Variants in CAP2 observed in about 807,000 individuals in gnomAD.
The protein encoded by CAP2 is adenylyl cyclase-associated protein 2.
Under a neutral mutation model 57.7 loss-of-function variants are expected in CAP2, and 24 were observed. The ratio of observed to expected loss-of-function variants is 0.42; its 90% CI spans 0.30 to 0.58. The LOEUF is 0.58. Ranked by LOEUF, CAP2 falls within the 20% of genes least tolerant of loss-of-function variation. The pLI is 0.22. For synonymous variants in CAP2, 194 were observed against 207.2 expected, an observed-to-expected ratio of 0.94 and a Z score of 0.55; for missense variants, 501 against 590.3, an observed-to-expected ratio of 0.85 and a Z score of 1.57.
intron 11 of CAP2, among the ~76,000 whole-genome samples, chr6:17,546,230 C>T (rs181450976): frequency 1.3e-4 from 20 of 152,272 alleles, no homozygotes; most frequent in African/African-American, 4.6e-4. Context: ...TTAATGACCG[C>T]CATGCTAACT....
intron 1 of CAP2, among the ~76,000 whole-genome samples, chr6:17,407,350 A>C (rs992588920): frequency 2.0e-5 from 3 of 152,084 alleles, no homozygotes; most frequent in African/African-American, 7.2e-5. Context: ...GTGGTGGCTC[A>C]TGTCTGTAAT....
chr6:17,407,237 G>A (rs539035273), intron 1 of CAP2, among the ~76,000 whole-genome samples: 2 of 152,032 alleles, frequency 1.3e-5, no homozygotes, highest in East Asian at 1.9e-4. Context: ...GGGCTCCCAG[G>A]TTCAAAGAGC....
chr6:17,467,750 C>T (rs1158225117), intron 4 of CAP2, among the ~76,000 whole-genome samples: 2 of 152,128 alleles, frequency 1.3e-5, no homozygotes, highest in Non-Finnish European at 2.9e-5. Flanking sequence ...GTCTTGAACT[C>T]CTGAACTCGT....
chr6:17,426,469 A>G (rs1313776583), intron 2 of CAP2, 121 bp from the exon 3 acceptor site: 3 of 697,468 alleles, frequency 4.3e-6, no homozygotes, highest in Non-Finnish European at 7.9e-6. Context: ...TCCTGACCTC[A>G]GGTGATCTGC....
At chr6:17,492,887 T>TC (rs1453939421) in intron 4 of CAP2, among the ~76,000 whole-genome samples, 2 of 152,170 alleles carry the variant, frequency 1.3e-5, no homozygotes, top group African/African-American at 4.8e-5. Context: ...GTATCGCAAG[T>TC]CCCTAGGACT....
chr6:17,550,434 A>G lies in CAP2; in HGVS notation c.1210-1030A>G, dbSNP rs536457400. On this transcript the variant is annotated intron_variant, in intron 11 of 12. Transcript: ENST00000229922. ...TTTTTTTTTTTTTGCACTGGGGCTC[A>G]ATTCCAACTCAGTGTTCAGTTTCTA... Among the ~76,000 whole-genome samples the G allele has an allele frequency of 9.6e-3, 1,029 of 106,956 alleles. 23 individuals are homozygous for G. The highest frequency in any genetic ancestry group is 0.037 in the African/African-American group (977 of 26,334). The allele number at this position is 106,956 out of a possible 152,430, so 70.2% of individuals were successfully genotyped here.
intron 6 of CAP2, among the ~76,000 whole-genome samples, chr6:17,507,976 G>A (rs1488642019): frequency 6.6e-6 from 1 of 152,212 alleles, no homozygotes; most frequent in African/African-American, 2.4e-5. Context: ...CCACTTGAAT[G>A]CATGTCACTA....
chr6:17,506,078 TTG>T (rs1209168499), intron 4 of CAP2, among the ~76,000 whole-genome samples: 2 of 152,070 alleles, frequency 1.3e-5, no homozygotes, highest in African/African-American at 2.4e-5. Context: ...ACATTTTTTT[TTG>T]TAGAAGTGGG....
intron 3 of CAP2, among the ~76,000 whole-genome samples, chr6:17,427,910 A>G (rs976504071): frequency 5.9e-5 from 9 of 152,244 alleles, no homozygotes. Flanking sequence ...CAAATACTGT[A>G]TGATTCCATT....
chr6:17,434,069 A>G (rs1759810914), intron 3 of CAP2, among the ~76,000 whole-genome samples: 1 of 152,186 alleles, frequency 6.6e-6, no homozygotes. Context: ...TGAAACAACG[A>G]GTCAGATTCC....
chr6:17,470,153 T>C (rs1371067918), intron 4 of CAP2, among the ~76,000 whole-genome samples: 1 of 152,232 alleles, frequency 6.6e-6, no homozygotes, highest in Non-Finnish European at 1.5e-5. Flanking sequence ...CTATGTCTTC[T>C]AAGTTTGAGA....
intron 4 of CAP2, among the ~76,000 whole-genome samples, chr6:17,464,449 C>A (rs1760811126): frequency 6.6e-6 from 1 of 152,134 alleles, no homozygotes; most frequent in South Asian, 2.1e-4. Flanking sequence ...CATAAAGAGG[C>A]AAGACCAGAG....
intron 5 of CAP2, 45 bp from the exon 6 acceptor site, chr6:17,507,596 A>AT (rs763107046): frequency 2.3e-3 from 2,540 of 1,118,348 alleles, no homozygotes; most frequent in Non-Finnish European, 2.9e-3. Context: ...TTCTTATCCT[A>AT]TTTTTTTTTC....
At chr6:17,454,755 T>C (rs576990694) in intron 3 of CAP2, among the ~76,000 whole-genome samples, 5 of 152,362 alleles carry the variant, frequency 3.3e-5, no homozygotes, top group South Asian at 2.1e-4. Context: ...CCAGCTCTCA[T>C]GATCTGCATT....
intron 4 of CAP2, among the ~76,000 whole-genome samples, chr6:17,470,070 C>T (rs1760979133): frequency 6.6e-6 from 1 of 152,142 alleles, no homozygotes; most frequent in Non-Finnish European, 1.5e-5. Flanking sequence ...TGGACTTGGG[C>T]CTACTTGGAT....
chr6:17,465,284 A>G (rs1283868660), intron 4 of CAP2, among the ~76,000 whole-genome samples: 3 of 152,070 alleles, frequency 2.0e-5, no homozygotes, highest in South Asian at 2.1e-4. Flanking sequence ...TCTCAAATTC[A>G]TGGCCTCAAG....
At chr6:17,512,182 G>T (rs766957428) in intron 6 of CAP2, among the ~76,000 whole-genome samples, 5 of 152,096 alleles carry the variant, frequency 3.3e-5, no homozygotes, top group Non-Finnish European at 7.4e-5. Context: ...TTGAGGCCAG[G>T]AGTTCGAGAC....
At chr6:17,547,767 G>A (rs1169551454) in intron 11 of CAP2, among the ~76,000 whole-genome samples, 2 of 151,598 alleles carry the variant, frequency 1.3e-5, no homozygotes, top group African/African-American at 4.9e-5. Context: ...CATGAACCCG[G>A]GAGGCAGAGC....
chr6:17,538,208 G>A (rs1762817855), intron 7 of CAP2, among the ~76,000 whole-genome samples: 1 of 151,832 alleles, frequency 6.6e-6, no homozygotes, highest in Non-Finnish European at 1.5e-5. Flanking sequence ...CTGGTACTTT[G>A]GGAGGCCAGG....
Sources: allele counts gnomAD v4.1 joint callset (sites outside exome capture counted in the v4.1 genomes callset), GRCh38; gene constraint gnomAD v4.1.1; transcripts MANE v1.5; gene names NCBI Gene and HGNC (gene_info 2026-07-23, HGNC 2026-07-21).